Variants in VPS13B observed in about 807,000 individuals in gnomAD.
VPS13B encodes vacuolar protein sorting 13 homolog B, also known as intermembrane lipid transfer protein VPS13B.
Under a neutral mutation model 426.4 loss-of-function variants are expected in VPS13B, and 285 were observed. The observed-to-expected ratio is 0.67, with a 90% CI of 0.61 to 0.74. The LOEUF is 0.74. Among genes scored for constraint, VPS13B ranks in the 30% least tolerant of loss-of-function variants. VPS13B has a pLI of 0.00. For missense variants in VPS13B, 4,537 were observed against 4,782.6 expected (o/e 0.95, Z 1.51); for synonymous variants, 1,676 against 1,676.4 (o/e 1.00, Z 0.01).
chr8:99,794,329 A>G (rs1257707005), intron 43 of VPS13B, among the ~76,000 whole-genome samples: 2 of 152,198 alleles, frequency 1.3e-5, no homozygotes, highest in Non-Finnish European at 2.9e-5. Context: ...CTAAGAGAAG[A>G]ATTATCTGTT....
At chr8:99,597,381 C>T (rs187540288) in intron 33 of VPS13B, among the ~76,000 whole-genome samples, 5 of 152,116 alleles carry the variant, frequency 3.3e-5, no homozygotes, top group Admixed American at 3.3e-4. Context: ...CATGCTCCAT[C>T]CTTCTTTACC....
At chr8:99,770,482 A>C (rs1811428373) in intron 40 of VPS13B, among the ~76,000 whole-genome samples, 1 of 152,098 alleles carries the variant, frequency 6.6e-6, no homozygotes, top group Non-Finnish European at 1.5e-5. Context: ...GGCAACTCAG[A>C]CTGGGTGACT....
chr8:99,193,142 G>T (rs949207410), intron 17 of VPS13B, 85 bp downstream of exon 17: 14 of 1,332,950 alleles, frequency 1.1e-5, no homozygotes, highest in Non-Finnish European at 1.5e-5. Flanking sequence ...CATATGTCTA[G>T]CATGGTCAAC....
chr8:99,689,335 TC>T (rs755968196), intron 35 of VPS13B, among the ~76,000 whole-genome samples: 9 of 150,736 alleles, frequency 6.0e-5, no homozygotes, highest in Non-Finnish European at 1.2e-4. Flanking sequence ...TATAGGACAG[TC>T]CAGGAGCTCA....
chr8:99,763,684 T>A (rs1391460110), intron 39 of VPS13B, among the ~76,000 whole-genome samples: 1 of 152,136 alleles, frequency 6.6e-6, no homozygotes, highest in African/African-American at 2.4e-5. Flanking sequence ...ATAGAGGTAT[T>A]TCAGGCTGAG....
At chr8:99,558,563 C>A (rs1418372835) in intron 31 of VPS13B, among the ~76,000 whole-genome samples, 2 of 152,056 alleles carry the variant, frequency 1.3e-5, no homozygotes, top group Non-Finnish European at 2.9e-5. Flanking sequence ...TCCCCCCTAC[C>A]CCCACCCCAC....
chr8:99,189,608 A>T (rs1762186239), intron 16 of VPS13B, among the ~76,000 whole-genome samples: 1 of 151,922 alleles, frequency 6.6e-6, no homozygotes, highest in African/African-American at 2.4e-5. Context: ...AGGAACACTG[A>T]TTATGTATAT....
intron 19 of VPS13B, among the ~76,000 whole-genome samples, chr8:99,303,806 T>C (rs989823156): frequency 6.6e-6 from 1 of 151,554 alleles, no homozygotes; most frequent in East Asian, 1.9e-4. Flanking sequence ...TGATTGTGTA[T>C]TGATTGTGGC....
At chr8:99,799,256 T>G (rs1813008679) in intron 43 of VPS13B, 1 of 152,208 alleles carries the variant, frequency 6.6e-6, no homozygotes, top group Non-Finnish European at 1.5e-5. Context: ...GTTAGTGAAT[T>G]TTAAGAACTC....
chr8:99,764,656 T>C (rs1195395984), intron 39 of VPS13B, among the ~76,000 whole-genome samples: 4 of 151,950 alleles, frequency 2.6e-5, no homozygotes, highest in Non-Finnish European at 5.9e-5. Flanking sequence ...CCTCAGGTGA[T>C]CCACCCCCTT....
chr8:99,502,810 A>C (rs1469362396), intron 26 of VPS13B, 26 bp from the exon 27 acceptor site: 2 of 1,475,738 alleles, frequency 1.4e-6, no homozygotes, highest in African/African-American at 1.4e-5. Context: ...GACTGTGTTG[A>C]TATTACTGCT....
At chr8:99,451,493 G>C (rs1373094502) in intron 23 of VPS13B, among the ~76,000 whole-genome samples, 3 of 152,136 alleles carry the variant, frequency 2.0e-5, no homozygotes, top group Non-Finnish European at 4.4e-5. Flanking sequence ...CTTATGTATT[G>C]CTGGCTATTG....
intron 34 of VPS13B, among the ~76,000 whole-genome samples, chr8:99,658,801 T>C (rs1378649778): frequency 6.6e-6 from 1 of 152,072 alleles, no homozygotes; most frequent in Non-Finnish European, 1.5e-5. Flanking sequence ...TTTTTTGTTC[T>C]TGTTGTTGTT....
At chr8:99,791,737 A>C (rs906059786) in intron 43 of VPS13B, among the ~76,000 whole-genome samples, 16 of 151,632 alleles carry the variant, frequency 1.1e-4, no homozygotes, top group Admixed American at 3.3e-4. Flanking sequence ...AAAAAAAAAA[A>C]AAAAAACTAC....
chr8:99,153,654 C>A (rs1286697009), intron 14 of VPS13B, among the ~76,000 whole-genome samples: 1 of 152,128 alleles, frequency 6.6e-6, no homozygotes, highest in African/African-American at 2.4e-5. Flanking sequence ...TATAAGCATT[C>A]ATAAGCCTGC....
chr8:99,375,395 C>T (rs931697698), intron 19 of VPS13B, among the ~76,000 whole-genome samples: 3 of 152,180 alleles, frequency 2.0e-5, no homozygotes, highest in East Asian at 1.9e-4. Context: ...TTACATGGCT[C>T]GTTGTTGCTA....
intron 21 of VPS13B, among the ~76,000 whole-genome samples, chr8:99,427,629 A>G (rs1379614300): frequency 2.0e-5 from 3 of 152,116 alleles, no homozygotes; most frequent in Non-Finnish European, 4.4e-5. Flanking sequence ...GCTCAATGAA[A>G]TAAAAGAGGA....
intron 33 of VPS13B, among the ~76,000 whole-genome samples, chr8:99,608,630 A>G (rs1827706685): frequency 6.6e-6 from 1 of 152,170 alleles, no homozygotes; most frequent in Non-Finnish European, 1.5e-5. Flanking sequence ...CACACCAAAA[A>G]GAAACCTCAT....
At chr8:99,354,472 T>C in intron 19 of VPS13B, among the ~76,000 whole-genome samples, 1 of 151,638 alleles carries the variant, frequency 6.6e-6, no homozygotes, top group East Asian at 1.9e-4. Context: ...TTTATATAAT[T>C]TATTTGTTCT....
Sources: allele counts gnomAD v4.1 joint callset (sites outside exome capture counted in the v4.1 genomes callset), GRCh38; gene constraint gnomAD v4.1.1; transcripts MANE v1.5; gene names NCBI Gene and HGNC (gene_info 2026-07-23, HGNC 2026-07-21).